PALLD: variants seen among roughly 807,000 people sequenced by gnomAD.
PALLD encodes the protein palladin.
A neutral mutation model predicts 123.5 loss-of-function variants in PALLD; 61 were observed. The ratio of observed to expected loss-of-function variants is 0.49; its 90% CI spans 0.40 to 0.61. The LOEUF (loss-of-function observed/expected upper bound fraction) is 0.61, where lower values mean the gene tolerates loss of function less well. PALLD is among the 20% of genes least tolerant of loss of function. The probability of loss-of-function intolerance (pLI) is 0.00; values close to 1 mark genes in which losing one functional copy is unlikely to be tolerated. For synonymous variants in PALLD, 465 were observed against 496.4 expected (o/e 0.94, Z 0.84); for missense variants, 1,273 against 1,377.0 (o/e 0.92, Z 1.20).
chr4:168,632,581 C>G (rs1396205816), intron 2 of PALLD, among the ~76,000 whole-genome samples: 1 of 152,160 alleles, frequency 6.6e-6, no homozygotes, highest in Non-Finnish European at 1.5e-5. Flanking sequence ...GTTCTCCTCT[C>G]CCTTTGGACG....
At chr4:168,631,653 C>A (rs1445782133) in intron 2 of PALLD, 2 of 985,408 alleles carry the variant, frequency 2.0e-6, no homozygotes, top group African/African-American at 1.7e-5. Context: ...CTCACCGAGC[C>A]TGAGTCGTGG....
At chr4:168,891,086 G>C (rs1173211186) in intron 11 of PALLD, 29 bp downstream of exon 11, 1 of 1,612,064 alleles carries the variant, frequency 6.2e-7, no homozygotes, top group African/African-American at 1.3e-5. Context: ...CCTGGACTTG[G>C]AATGTTAGCT....
intron 10 of PALLD, among the ~76,000 whole-genome samples, chr4:168,873,288 A>G (rs1751320207): frequency 6.6e-6 from 1 of 152,196 alleles, no homozygotes; most frequent in Non-Finnish European, 1.5e-5. Context: ...GCTTATAAAT[A>G]TCAGGACCAG....
chr4:168,888,029 A>G (rs991680927), intron 10 of PALLD, among the ~76,000 whole-genome samples: 1 of 152,176 alleles, frequency 6.6e-6, no homozygotes, highest in African/African-American at 2.4e-5. Context: ...ATCCTTTCCA[A>G]GGAGTCATTA....
Position 168,703,779 on chromosome 4 carries a change from G to A in PALLD, c.1502-5249G>A, listed in dbSNP as rs888985328. 5.3e-4 allele frequency among the ~76,000 whole-genome samples: 76 copies of A among 144,080 alleles called. 4 individuals carry two copies. The highest frequency in any genetic ancestry group is 3.0e-3 in the Admixed American group (45 of 14,848). The allele number at this position is 144,080 out of a possible 152,430, so 94.5% of individuals were successfully genotyped here. A position where few individuals can be genotyped will look rare whatever the true frequency, so the allele number is the denominator to read the frequency against. On this transcript the variant is annotated intron_variant, in intron 8 of 21. Coordinates refer to ENST00000505667, the MANE Select transcript of PALLD (RefSeq NM_001166108.2). ...TTGTTTGTTTTTTTCTTGTAAATTTGTTTGAGTTCATTGTAGATTCTGGAT... is the reference window on the plus strand; with the variant it reads ...TTGTTTGTTTTTTTCTTGTAAATTTATTTGAGTTCATTGTAGATTCTGGAT...
At chr4:168,885,004 C>T (rs1473697980) in intron 10 of PALLD, among the ~76,000 whole-genome samples, 1 of 152,140 alleles carries the variant, frequency 6.6e-6, no homozygotes, top group Non-Finnish European at 1.5e-5. Context: ...GGTCACTAGC[C>T]CAAACCACAC....
At position 168,511,500 on chromosome 4, in the gene PALLD, CA is replaced by C; in HGVS notation, c.-2del. ...AGACACAGAGTGCATGAAGACCGTT[CA>C]AATATGTCAGGGACCTCCTCCCATG... On this transcript the variant is annotated 5_prime_UTR_variant, in exon 2 of 22. Coordinates refer to ENST00000505667, the MANE Select transcript of PALLD (RefSeq NM_001166108.2). 6.2e-7 allele frequency: 1 copy of C among 1,611,958 alleles called. No individual in the cohort carries two copies. Among genetic ancestry groups the C allele is most frequent in the South Asian group, 1.1e-5 (1 of 91,010 alleles).
chr4:168,513,914 G>A (rs2149434187), intron 2 of PALLD, among the ~76,000 whole-genome samples: 2 of 152,204 alleles, frequency 1.3e-5, no homozygotes, highest in South Asian at 4.1e-4. Flanking sequence ...AGACAAGCCT[G>A]GCCAACATGG....
intron 2 of PALLD, among the ~76,000 whole-genome samples, chr4:168,561,807 C>G (rs1767895237): frequency 6.6e-6 from 1 of 152,088 alleles, no homozygotes; most frequent in Non-Finnish European, 1.5e-5. Context: ...AGTAGTTCAT[C>G]TGAAATGAGG....
intron 10 of PALLD, among the ~76,000 whole-genome samples, chr4:168,860,959 A>G (rs973714226): frequency 2.0e-5 from 3 of 152,234 alleles, no homozygotes; most frequent in Admixed American, 1.3e-4. Flanking sequence ...GCTGGTTTCT[A>G]TGTACTTCAA....
At chr4:168,785,119 A>G (rs1736528377) in intron 10 of PALLD, among the ~76,000 whole-genome samples, 1 of 136,506 alleles carries the variant, frequency 7.3e-6, no homozygotes. Flanking sequence ...GGGAAATACA[A>G]TGGGGCCCTG....
chr4:168,665,400 G>A (rs1209193627), intron 2 of PALLD, among the ~76,000 whole-genome samples: 1 of 152,136 alleles, frequency 6.6e-6, no homozygotes, highest in Non-Finnish European at 1.5e-5. Context: ...TGTCTCTGCT[G>A]CTTTGGCATG....
At position 168,887,864 on chromosome 4, in the gene PALLD, C is replaced by T. The variant is rs561355610; in HGVS notation, c.1965-3058C>T. Among the ~76,000 whole-genome samples the T allele has an allele frequency of 4.5e-4, 68 of 152,138 alleles. 1 individual carries two copies. The South Asian group carries it at 0.012, about 27-fold the overall frequency. ...AAATCAGAAGTAGAGATGGACAGTA[C>T]ATCCATTCACTCATTTCAGAAATAT... is the stretch of plus-strand genomic sequence containing the variant. On this transcript the variant is annotated intron_variant, in intron 10 of 21. Coordinates refer to ENST00000505667, the MANE Select transcript of PALLD (RefSeq NM_001166108.2).
rs1480237759 is a variant in PALLD, at chr4:168,910,263, C to T, written c.2623-3664C>T. Reference sequence around the variant, plus strand: ...TTTTGAGAGGGGAGGAAGAGGCAGGCTAAGCATATCAAGGATCTGTTTAGA... The same window carrying T: ...TTTTGAGAGGGGAGGAAGAGGCAGGTTAAGCATATCAAGGATCTGTTTAGA... On this transcript the variant is annotated intron_variant, in intron 15 of 21. Coordinates refer to ENST00000505667, the MANE Select transcript of PALLD (RefSeq NM_001166108.2). Among the ~76,000 whole-genome samples the T allele has an allele frequency of 8.0e-5, 11 of 138,236 alleles. No individual in the cohort carries two copies. The East Asian group carries it at 1.9e-3, about 24-fold the overall frequency. The allele number at this position is 138,236 out of a possible 152,430, so 90.7% of individuals were successfully genotyped here.
chr4:168,661,158 C>T (rs553153123), intron 2 of PALLD, among the ~76,000 whole-genome samples: 1 of 152,172 alleles, frequency 6.6e-6, no homozygotes, highest in Admixed American at 6.5e-5. Flanking sequence ...CTGCCCGCCT[C>T]GGCCTCCCAA....
chr4:168,845,495 CTATT>C (rs1392668050), intron 10 of PALLD, among the ~76,000 whole-genome samples: 1 of 152,030 alleles, frequency 6.6e-6, no homozygotes, highest in Middle Eastern at 3.2e-3. Context: ...AGCATGACAG[CTATT>C]TATATAGCCT....
At chr4:168,523,053 C>CA (rs1002108204) in intron 2 of PALLD, among the ~76,000 whole-genome samples, 2 of 151,876 alleles carry the variant, frequency 1.3e-5, no homozygotes, top group African/African-American at 4.8e-5. Context: ...TGTTGTGGTC[C>CA]AAAAAATGTA....
chr4:168,753,969 G>A (rs1210430508), intron 10 of PALLD, among the ~76,000 whole-genome samples: 2 of 152,110 alleles, frequency 1.3e-5, no homozygotes, highest in African/African-American at 2.4e-5. Context: ...AATAGGTTAT[G>A]CAACAAGTAC....
At chr4:168,686,558 A>T (rs1235704461) in intron 6 of PALLD, 1 of 152,286 alleles carries the variant, frequency 6.6e-6, no homozygotes, top group African/African-American at 2.4e-5. Context: ...ACATGAATTC[A>T]TTCTTTTTTA....
Sources: gnomAD v4.1 joint callset for allele counts (sites outside exome capture counted in the v4.1 genomes callset) on GRCh38, gnomAD v4.1.1 for gene constraint, MANE v1.5 for transcripts, NCBI Gene and HGNC (gene_info 2026-07-23, HGNC 2026-07-21) for gene names.